The following GPR176 variants were observed in gnomAD, a reference collection of about 807,000 sequenced individuals.
GPR176 encodes G protein-coupled receptor 176.
A neutral mutation model predicts 35.4 loss-of-function variants in GPR176; 26 were observed. That is an observed-to-expected ratio of 0.74 (90% CI 0.54 to 1.02). GPR176 has a LOEUF of 1.02. Among genes scored for constraint, GPR176 ranks in the 50% least tolerant of loss-of-function variants. The pLI, the probability that GPR176 is intolerant of heterozygous loss-of-function variation, is 0.00. For missense variants in GPR176, 597 were observed against 665.3 expected (o/e 0.90, Z 1.13); for synonymous variants, 278 against 271.3 (o/e 1.02, Z -0.24).
chr15:39,897,473 T>A (rs962265480), intron 1 of GPR176, among the ~76,000 whole-genome samples: 1 of 152,238 alleles, frequency 6.6e-6, no homozygotes, highest in African/African-American at 2.4e-5. Context: ...AATGAAGTTT[T>A]AAGTCTATGA....
chr15:39,887,602 A>T (rs1301957516), intron 1 of GPR176, among the ~76,000 whole-genome samples: 2 of 125,740 alleles, frequency 1.6e-5, no homozygotes, highest in Non-Finnish European at 3.6e-5. Flanking sequence ...TTAAATTTAA[A>T]AAAAAAAAAA....
chr15:39,845,469 G>C (rs561786105), intron 1 of GPR176, among the ~76,000 whole-genome samples: 39 of 151,702 alleles, frequency 2.6e-4, no homozygotes, highest in African/African-American at 9.4e-4. Flanking sequence ...AGTACTACTA[G>C]ATAACCTTAA....
At chr15:39,838,473 C>A (rs1356729304) in intron 1 of GPR176, among the ~76,000 whole-genome samples, 1 of 151,990 alleles carries the variant, frequency 6.6e-6, no homozygotes, top group Admixed American at 6.6e-5. Flanking sequence ...GCTAAAGAAG[C>A]AATTATTGTT....
intron 1 of GPR176, among the ~76,000 whole-genome samples, chr15:39,908,057 T>C (rs1263611914): frequency 1.3e-5 from 2 of 152,218 alleles, no homozygotes; most frequent in African/African-American, 2.4e-5. Context: ...AGAGGCTGTG[T>C]GCTGATTTGG....
chr15:39,856,787 G>A (rs986568690), intron 1 of GPR176, among the ~76,000 whole-genome samples: 4 of 152,188 alleles, frequency 2.6e-5, no homozygotes, highest in East Asian at 3.8e-4. Flanking sequence ...GGAGATGGGC[G>A]GATTGGAAGC....
At chr15:39,816,962 A>G in intron 1 of GPR176, among the ~76,000 whole-genome samples, 1 of 149,476 alleles carries the variant, frequency 6.7e-6, no homozygotes, top group East Asian at 2.0e-4. Flanking sequence ...CCAGCCTCTT[A>G]GGAGGCAGAG....
At chr15:39,878,956 G>A (rs1162039545) in intron 1 of GPR176, among the ~76,000 whole-genome samples, 1 of 152,234 alleles carries the variant, frequency 6.6e-6, no homozygotes, top group African/African-American at 2.4e-5. Flanking sequence ...TCACAGATGA[G>A]GTAAGATGAG....
At chr15:39,913,951 C>T (rs2033652025) in intron 1 of GPR176, among the ~76,000 whole-genome samples, 3 of 152,112 alleles carry the variant, frequency 2.0e-5, no homozygotes, top group Admixed American at 1.3e-4. Context: ...GAGGCTGAGG[C>T]AGGAGAATGG....
chr15:39,843,652 T>C (rs2030193143), intron 1 of GPR176, among the ~76,000 whole-genome samples: 2 of 152,280 alleles, frequency 1.3e-5, no homozygotes, highest in South Asian at 4.1e-4. Flanking sequence ...CCAGCTAAGA[T>C]GTCATCTGGG....
chr15:39,857,543 G>C (rs1326567942), intron 1 of GPR176, among the ~76,000 whole-genome samples: 1 of 151,970 alleles, frequency 6.6e-6, no homozygotes, highest in East Asian at 1.9e-4. Flanking sequence ...GGTGGTGCAT[G>C]TCTGTAGTCC....
intron 1 of GPR176, among the ~76,000 whole-genome samples, chr15:39,830,679 T>C (rs1901014735): frequency 6.6e-6 from 1 of 152,238 alleles, no homozygotes; most frequent in African/African-American, 2.4e-5. Flanking sequence ...GCTGCAGCTA[T>C]GCAAAATAGA....
intron 1 of GPR176, among the ~76,000 whole-genome samples, chr15:39,888,626 A>C (rs1341199963): frequency 2.6e-5 from 4 of 152,158 alleles, no homozygotes; most frequent in African/African-American, 9.7e-5. Context: ...CTTTTGTTAC[A>C]AGGGTCCCAG....
intron 1 of GPR176, among the ~76,000 whole-genome samples, chr15:39,911,802 C>T (rs897942285): frequency 5.9e-5 from 9 of 152,150 alleles, no homozygotes; most frequent in Admixed American, 2.0e-4. Context: ...CTTCATGATA[C>T]AATTTTAGTA....
intron 1 of GPR176, among the ~76,000 whole-genome samples, chr15:39,824,878 T>C (rs1232943971): frequency 6.6e-6 from 1 of 152,202 alleles, no homozygotes; most frequent in Non-Finnish European, 1.5e-5. Flanking sequence ...AGTTTCTTCC[T>C]GATTTTTTTT....
chr15:39,917,071 C>T (rs1176116724), intron 1 of GPR176, among the ~76,000 whole-genome samples: 1 of 152,090 alleles, frequency 6.6e-6, no homozygotes. Flanking sequence ...CACCTGAGGT[C>T]AGGAGTTGGA....
chr15:39,898,127 T>C (rs2033173852), intron 1 of GPR176, among the ~76,000 whole-genome samples: 1 of 152,226 alleles, frequency 6.6e-6, no homozygotes, highest in Non-Finnish European at 1.5e-5. Flanking sequence ...TATTGCTTCA[T>C]TTTCATGAAA....
chr15:39,804,944 A>G (rs1471134291), intron 2 of GPR176, among the ~76,000 whole-genome samples: 1 of 152,238 alleles, frequency 6.6e-6, no homozygotes, highest in East Asian at 1.9e-4. Flanking sequence ...GATGGGCACA[A>G]GGAGTGACTG....
At chr15:39,863,984 T>C (rs967871702) in intron 1 of GPR176, among the ~76,000 whole-genome samples, 1 of 152,210 alleles carries the variant, frequency 6.6e-6, no homozygotes, top group Non-Finnish European at 1.5e-5. Flanking sequence ...CAGTCTGGTG[T>C]TGAGAATATG....
At chr15:39,879,725 G>C (rs545181150) in intron 1 of GPR176, among the ~76,000 whole-genome samples, 2 of 152,090 alleles carry the variant, frequency 1.3e-5, no homozygotes, top group South Asian at 2.1e-4. Flanking sequence ...ACCCCACCTC[G>C]AAGTTGGGAA....
Sources: allele counts gnomAD v4.1 joint callset (sites outside exome capture counted in the v4.1 genomes callset), GRCh38; gene constraint gnomAD v4.1.1; transcripts MANE v1.5; gene names NCBI Gene and HGNC (gene_info 2026-07-23, HGNC 2026-07-21).